Variants in PCCA observed in about 807,000 individuals in gnomAD.
PCCA encodes propionyl-CoA carboxylase alpha chain, mitochondrial.
Under a neutral mutation model 101.3 loss-of-function variants are expected in PCCA, and 74 were observed. The observed-to-expected ratio is 0.73, with a 90% CI of 0.61 to 0.89. The LOEUF is 0.89. Among genes scored for constraint, PCCA ranks in the 40% least tolerant of loss-of-function variants. The probability of loss-of-function intolerance (pLI) is 0.00; values close to 1 mark genes in which losing one functional copy is unlikely to be tolerated. For missense variants in PCCA, 891 were observed against 907.0 expected, an observed-to-expected ratio of 0.98 and a Z score of 0.23; for synonymous variants, 294 against 313.6, an observed-to-expected ratio of 0.94 and a Z score of 0.66.
intron 19 of PCCA, among the ~76,000 whole-genome samples, chr13:100,414,684 G>A (rs1296119165): frequency 6.6e-6 from 1 of 152,166 alleles, no homozygotes; most frequent in African/African-American, 2.4e-5. Flanking sequence ...AGAATTTAGT[G>A]AACTATAATA....
At chr13:100,346,823 A>G (rs1275889568) in intron 18 of PCCA, among the ~76,000 whole-genome samples, 3 of 152,140 alleles carry the variant, frequency 2.0e-5, no homozygotes, top group African/African-American at 7.2e-5. Flanking sequence ...CTATCAGCAA[A>G]AAGATTATGA....
intron 6 of PCCA, among the ~76,000 whole-genome samples, chr13:100,202,486 G>GTTTTTTTTTTTTTTTTTTTT (rs1338702389): frequency 7.7e-6 from 1 of 130,326 alleles, no homozygotes. Context: ...ACCTATTCCT[G>GTTTTTTTTTTTTTTTTTTTT]TTTTTTTTTT....
chr13:100,340,332 A>G, intron 18 of PCCA, 73 bp downstream of exon 18: 1 of 826,054 alleles, frequency 1.2e-6, no homozygotes, highest in Non-Finnish European at 2.1e-6. Context: ...AGGAAATACT[A>G]ATAAAAGATG....
At chr13:100,396,227 A>T (rs183479185) in intron 19 of PCCA, among the ~76,000 whole-genome samples, 1 of 152,326 alleles carries the variant, frequency 6.6e-6, no homozygotes, top group East Asian at 1.9e-4. Flanking sequence ...GTCACGAGGC[A>T]GGTGGACTTG....
intron 2 of PCCA, among the ~76,000 whole-genome samples, chr13:100,107,660 G>A (rs1312793530): frequency 6.6e-6 from 1 of 152,182 alleles, no homozygotes; most frequent in Non-Finnish European, 1.5e-5. Flanking sequence ...TGCCACTAGT[G>A]AACTTTGTAA....
At chr13:100,422,139 T>TTTTTCTTTCTTTC (rs2078867381) in intron 19 of PCCA, among the ~76,000 whole-genome samples, 1 of 134,638 alleles carries the variant, frequency 7.4e-6, no homozygotes, top group Non-Finnish European at 1.6e-5. Flanking sequence ...TTCTTTCTTT[T>TTTTTCTTTCTTTC]TTTTTTTTTT....
In PCCA at chr13:100,451,606, G is replaced by A. The variant is rs1245622351; in HGVS notation, c.1899+2301G>A. Among the ~76,000 whole-genome samples the A allele has an allele frequency of 5.9e-5, 9 of 151,774 alleles. No individual in the cohort carries two copies. In the South Asian group the frequency reaches 6.2e-4, roughly 11 times the overall value. On this transcript the variant is annotated intron_variant, in intron 21 of 23. Coordinates refer to ENST00000376285, the MANE Select transcript of PCCA (RefSeq NM_000282.4). ...ACTTCATGTATCGGAAACTGAGCTC[G>A]AAAAGTTTCTCCCTCAGTTTTTCCT...
At chr13:100,494,710 C>T (rs1201901505) in intron 21 of PCCA, among the ~76,000 whole-genome samples, 1 of 151,576 alleles carries the variant, frequency 6.6e-6, no homozygotes, top group African/African-American at 2.4e-5. Flanking sequence ...ATTCCTTCAA[C>T]ACATTATAAC....
chr13:100,179,026 G>A (rs991975329), intron 6 of PCCA, among the ~76,000 whole-genome samples: 13 of 149,960 alleles, frequency 8.7e-5, no homozygotes, highest in Non-Finnish European at 1.5e-4. Context: ...GCAGTGAGCC[G>A]AGATCGTGCC....
chr13:100,411,596 C>T (rs1231154912), intron 19 of PCCA, among the ~76,000 whole-genome samples: 4 of 152,134 alleles, frequency 2.6e-5, no homozygotes, highest in Admixed American at 6.6e-5. Context: ...ATAAATATAC[C>T]GTAGAATGGG....
Position 100,089,129 on chromosome 13 carries a change from G to A in PCCA, c.9G>A (p.Gly3=). ...GGTCTGCGGGGACAACAATGGCGGG[G>A]TTCTGGGTCGGGACAGCACCGCTGG... MA[G]FWVGTAPLVA... Residue 3 remains glycine (G), a synonymous_variant, in exon 1 of 24, where the codon GGG becomes GGA. Transcript: ENST00000376285. 1.3e-6 allele frequency: 2 copies of A among 1,509,222 alleles called. No individual in the cohort carries two copies. Among genetic ancestry groups the A allele is most frequent in the Non-Finnish European group, 1.8e-6 (2 of 1,126,870 alleles). 93.5% of individuals were successfully genotyped at this position (1,509,222 alleles called of 1,614,324 possible). A position where few individuals can be genotyped will look rare whatever the true frequency, so the allele number is the denominator to read the frequency against.
chr13:100,318,164 G>T (rs1398455626), intron 16 of PCCA, among the ~76,000 whole-genome samples: 1 of 152,120 alleles, frequency 6.6e-6, no homozygotes, highest in Admixed American at 6.6e-5. Flanking sequence ...TGGGAATGTG[G>T]AATCTGTGCA....
rs1204944465 is a variant in PCCA, at chr13:100,112,046, T to C, written c.285T>C (p.Asp95=). 1.2e-6 allele frequency: 2 copies of C among 1,610,348 alleles called. No homozygotes were observed. The highest frequency in any genetic ancestry group is 2.2e-5 in the East Asian group (1 of 44,796). ...MGIKTVAIHS[D]VDASSVHVKM... is the part of the protein sequence containing the mutation. ...TTAAGACAGTTGCCATCCACAGTGA[T>C]GTTGATGCTAGTTCTGTAAGTATAT... Residue 95 remains aspartate, a synonymous_variant, in exon 4 of 24, where the codon GAT becomes GAC. Coordinates refer to ENST00000376285, the MANE Select transcript of PCCA (RefSeq NM_000282.4).
At chr13:100,512,327 A>C (rs546964091) in intron 21 of PCCA, among the ~76,000 whole-genome samples, 3 of 152,276 alleles carry the variant, frequency 2.0e-5, no homozygotes, top group African/African-American at 7.2e-5. Context: ...ATTTGCTTAG[A>C]GACCCGGGTT....
At chr13:100,272,687 G>A (rs1462780883) in intron 11 of PCCA, among the ~76,000 whole-genome samples, 1 of 152,102 alleles carries the variant, frequency 6.6e-6, no homozygotes, top group East Asian at 1.9e-4. Context: ...TTAGCATACT[G>A]GAGTCTCAAA....
At chr13:100,169,955 C>A (rs889230243) in intron 6 of PCCA, among the ~76,000 whole-genome samples, 5 of 152,102 alleles carry the variant, frequency 3.3e-5, no homozygotes, top group African/African-American at 1.2e-4. Flanking sequence ...CCACCTCAGC[C>A]TCCGGAAGTG....
At chr13:100,120,547 A>C (rs1021835859) in intron 4 of PCCA, among the ~76,000 whole-genome samples, 6 of 152,194 alleles carry the variant, frequency 3.9e-5, no homozygotes, top group African/African-American at 1.4e-4. Flanking sequence ...TGAGAAATAA[A>C]GACTGATCTA....
chr13:100,251,056 GC>G (rs1221452630), intron 8 of PCCA, among the ~76,000 whole-genome samples: 1 of 152,130 alleles, frequency 6.6e-6, no homozygotes, highest in East Asian at 1.9e-4. Context: ...TTGGATGGGG[GC>G]AACTGTAGTA....
At chr13:100,224,433 C>G (rs2060025126) in intron 7 of PCCA, among the ~76,000 whole-genome samples, 1 of 152,242 alleles carries the variant, frequency 6.6e-6, no homozygotes, top group Admixed American at 6.5e-5. Flanking sequence ...GCGCCTCTCC[C>G]TCCACACCTC....
Sources: gnomAD v4.1 joint callset for allele counts (sites outside exome capture counted in the v4.1 genomes callset) on GRCh38, gnomAD v4.1.1 for gene constraint, MANE v1.5 for transcripts, NCBI Gene and HGNC (gene_info 2026-07-23, HGNC 2026-07-21) for gene names.